The following GABRB1 variants were observed in gnomAD, a reference collection of about 807,000 sequenced individuals.
GABRB1 encodes gamma-aminobutyric acid type A receptor subunit beta1.
A neutral mutation model predicts 51.6 loss-of-function variants in GABRB1; 17 were observed. That is an observed-to-expected ratio of 0.33 (90% CI 0.23 to 0.49). The LOEUF is 0.49. GABRB1 is among the 20% of genes least tolerant of loss of function. The probability of loss-of-function intolerance (pLI) is 0.99; values close to 1 mark genes in which losing one functional copy is unlikely to be tolerated. For missense variants in GABRB1, 410 were observed against 600.6 expected (o/e 0.68, Z 3.32); for synonymous variants, 247 against 218.9 (o/e 1.13, Z -1.14).
At chr4:47,350,214 T>TAGAGAGAGAGAG (rs1477528549) in intron 5 of GABRB1, among the ~76,000 whole-genome samples, 26 of 79,718 alleles carry the variant, frequency 3.3e-4, no homozygotes, top group African/African-American at 1.2e-3. Flanking sequence ...TATATATATA[T>TAGAGAGAGAGAG]ATATAGAGAG....
intron 5 of GABRB1, among the ~76,000 whole-genome samples, chr4:47,370,377 C>G (rs1727145414): frequency 6.6e-6 from 1 of 151,894 alleles, no homozygotes; most frequent in Non-Finnish European, 1.5e-5. Flanking sequence ...GTCCCAGCTA[C>G]TCGGGAGGCT....
At chr4:47,064,664 G>GAGAAA (rs1422589569) in intron 3 of GABRB1, among the ~76,000 whole-genome samples, 1 of 126,226 alleles carries the variant, frequency 7.9e-6, no homozygotes, top group African/African-American at 2.8e-5. Context: ...AAAAAAAAAA[G>GAGAAA]AGAAAAGAAA....
intron 1 of GABRB1, among the ~76,000 whole-genome samples, chr4:47,001,298 A>G (rs1016465902): frequency 1.9e-4 from 29 of 151,722 alleles, no homozygotes; most frequent in Non-Finnish European, 2.6e-4. Context: ...GCCCCCCACC[A>G]CGCCCAGCTA....
At chr4:47,364,622 T>C (rs1726916926) in intron 5 of GABRB1, among the ~76,000 whole-genome samples, 1 of 149,488 alleles carries the variant, frequency 6.7e-6, no homozygotes, top group African/African-American at 2.5e-5. Context: ...CCAGTGAGAC[T>C]AAAAAAAATT....
chr4:47,347,964 T>C (rs1466413491), intron 5 of GABRB1, among the ~76,000 whole-genome samples: 1 of 152,192 alleles, frequency 6.6e-6, no homozygotes, highest in Non-Finnish European at 1.5e-5. Context: ...GAAAGACTTC[T>C]AACATAAAAA....
chr4:47,380,600 C>T (rs1727562108), intron 5 of GABRB1, among the ~76,000 whole-genome samples: 1 of 152,180 alleles, frequency 6.6e-6, no homozygotes, highest in Non-Finnish European at 1.5e-5. Context: ...GATCATCCGT[C>T]TATTCAACTG....
At chr4:47,194,335 C>G (rs1560579620) in intron 4 of GABRB1, among the ~76,000 whole-genome samples, 1 of 152,126 alleles carries the variant, frequency 6.6e-6, no homozygotes, top group Non-Finnish European at 1.5e-5. Context: ...AACAAGCTTA[C>G]ATTTTTTCAT....
chr4:47,082,686 A>G (rs1406663653), intron 3 of GABRB1, among the ~76,000 whole-genome samples: 1 of 152,130 alleles, frequency 6.6e-6, no homozygotes, highest in Non-Finnish European at 1.5e-5. Context: ...TTAGTTTCTT[A>G]CTTTAAAGTA....
chr4:47,323,835 G>T (rs1725165054), intron 5 of GABRB1, among the ~76,000 whole-genome samples: 1 of 152,208 alleles, frequency 6.6e-6, no homozygotes, highest in African/African-American at 2.4e-5. Context: ...ATAAAGGCTT[G>T]TTAAATTGAA....
chr4:46,999,067 G>A (rs1019727674), intron 1 of GABRB1, among the ~76,000 whole-genome samples: 7 of 152,090 alleles, frequency 4.6e-5, no homozygotes, highest in African/African-American at 1.7e-4. Flanking sequence ...TGATACTATT[G>A]TTAAGAAACA....
At chr4:47,245,754 C>T (rs1448753094) in intron 4 of GABRB1, among the ~76,000 whole-genome samples, 1 of 151,712 alleles carries the variant, frequency 6.6e-6, no homozygotes, top group East Asian at 1.9e-4. Context: ...GTTTAAACCA[C>T]CATATTTTTA....
chr4:47,305,896 T>C (rs1333269029), intron 4 of GABRB1, among the ~76,000 whole-genome samples: 2 of 152,110 alleles, frequency 1.3e-5, no homozygotes, highest in Non-Finnish European at 2.9e-5. Flanking sequence ...TAAGTGGAGA[T>C]ATTTTGGGAT....
intron 3 of GABRB1, among the ~76,000 whole-genome samples, chr4:47,089,355 G>A (rs1728204728): frequency 6.6e-6 from 1 of 152,128 alleles, no homozygotes; most frequent in South Asian, 2.1e-4. Flanking sequence ...ACTAGGGAAC[G>A]AAAGGCAATG....
rs542478434 is a variant in GABRB1, at chr4:47,200,241, A to T, written c.461+38772A>T. Among the ~76,000 whole-genome samples the T allele has an allele frequency of 6.0e-4, 91 of 152,290 alleles. 1 individual carries two copies. Among genetic ancestry groups the T allele is most frequent in the African/African-American group, 1.7e-3 (71 of 41,586 alleles). The stretch of plus-strand genomic sequence containing the variant: ...ACCAGAAGGAACAAACTGAAACAGG[A>T]TAAGGTACATGGGGAGTGGTATGCT... On this transcript the variant is annotated intron_variant, in intron 4 of 8. Transcript: ENST00000295454.
chr4:47,160,325 C>T (rs1442465332), intron 3 of GABRB1, among the ~76,000 whole-genome samples: 2 of 152,128 alleles, frequency 1.3e-5, no homozygotes, highest in Non-Finnish European at 2.9e-5. Flanking sequence ...AATAGTGCCA[C>T]CACTGAGGTT....
chr4:47,263,802 G>GCC (rs1560304507), intron 4 of GABRB1, among the ~76,000 whole-genome samples: 2 of 152,154 alleles, frequency 1.3e-5, no homozygotes, highest in African/African-American at 4.8e-5. Flanking sequence ...ATAGATAGTG[G>GCC]TAAAGCAAAT....
chr4:47,122,946 C>T (rs1262433844), intron 3 of GABRB1, among the ~76,000 whole-genome samples: 2 of 152,014 alleles, frequency 1.3e-5, no homozygotes, highest in African/African-American at 4.8e-5. Context: ...TAACTCAGCA[C>T]GTATATAGTG....
At chr4:47,262,428 C>A (rs557612328) in intron 4 of GABRB1, among the ~76,000 whole-genome samples, 136 of 152,216 alleles carry the variant, frequency 8.9e-4, no homozygotes, top group African/African-American at 3.2e-3. Context: ...ATGCAGCCAA[C>A]AGACACATGA....
intron 3 of GABRB1, among the ~76,000 whole-genome samples, chr4:47,160,068 A>C (rs1577961945): frequency 6.6e-6 from 1 of 152,236 alleles, no homozygotes; most frequent in South Asian, 2.1e-4. Flanking sequence ...TAAAAACAGA[A>C]AATAACTAAA....
Sources: allele counts gnomAD v4.1 joint callset (sites outside exome capture counted in the v4.1 genomes callset), GRCh38; gene constraint gnomAD v4.1.1; transcripts MANE v1.5; gene names NCBI Gene and HGNC (gene_info 2026-07-23, HGNC 2026-07-21).